The following CARMIL2 variants were observed in gnomAD, a reference collection of about 807,000 sequenced individuals.
The protein encoded by CARMIL2 is capping protein regulator and myosin 1 linker 2.
A neutral mutation model predicts 173.3 loss-of-function variants in CARMIL2; 96 were observed. The ratio of observed to expected loss-of-function variants is 0.55; its 90% CI spans 0.47 to 0.66. The LOEUF (loss-of-function observed/expected upper bound fraction) is 0.66. CARMIL2 is among the 30% of genes least tolerant of loss of function. The pLI, the probability that CARMIL2 is intolerant of heterozygous loss-of-function variation, is 0.00. For synonymous variants in CARMIL2, 830 were observed against 817.1 expected (o/e 1.02, Z -0.27); for missense variants, 1,771 against 1,906.7 (o/e 0.93, Z 1.33).
Position 67,652,525 on chromosome 16 carries a change from C to T in CARMIL2, c.2871C>T (p.Val957=), listed in dbSNP as rs1274482971. Residue 957 remains valine, a synonymous_variant, in exon 28 of 38, where the codon GTC becomes GTT. Transcript: ENST00000334583. This position sits in a 1 kb window ranked among gnomAD's most constrained non-coding sequence, Gnocchi z 4.7. ...WPELSHGLHL[V]PFIHSAAEEA... ...AGCTCAGCCACGGTCTTCACCTGGT[C>T]CCCTTCATTCACAGTAAGTCAGGGC... 8.1e-6 allele frequency: 13 copies of T among 1,613,470 alleles called. No homozygotes were observed. The highest frequency in any genetic ancestry group is 6.6e-5 in the South Asian group (6 of 91,040).
rs529623125 is a variant in CARMIL2, at chr16:67,654,634, A to G, written c.3524A>G (p.Tyr1175Cys). Reference sequence around the variant, plus strand: ...CGCTACACAAGAGATAGCAAGGCCTACTCGATGATACTGCTGCCTGCCGAG... The same window carrying G: ...CGCTACACAAGAGATAGCAAGGCCTGCTCGATGATACTGCTGCCTGCCGAG... ...RPRYTRDSKA[Y>C]SMILLPAEEE... is the part of the protein sequence containing the mutation. The change falls in exon 31 of 38, where the codon TAC becomes TGC. Residue 1175 changes from tyrosine (Y) to cysteine (C), a missense_variant. By Grantham distance (194) the Tyr-to-Cys change is radical (BLOSUM62 -2). Transcript: ENST00000334583. 2.5e-6 allele frequency: 4 copies of G among 1,590,854 alleles called. No individual in the cohort carries two copies. Among genetic ancestry groups the G allele is most frequent in the South Asian group, 1.1e-5 (1 of 88,336 alleles).
In CARMIL2 at chr16:67,656,837, G is replaced by T. The variant is rs762083223; in HGVS notation, c.4073G>T (p.Arg1358Leu). 6.4e-7 allele frequency: 1 copy of T among 1,550,556 alleles called. No homozygotes were observed. The highest frequency in any genetic ancestry group is 8.7e-7 in the Non-Finnish European group (1 of 1,146,874). Residue 1358 changes from arginine to leucine, a missense_variant, in exon 36 of 38, where the codon CGG becomes CTG. Physicochemically the swap from Arg to Leu is moderately radical, Grantham distance 102 (BLOSUM62 -2). This residue lies in a region of CARMIL2 where 817 missense variants were observed against 903.5 expected (regional missense o/e 0.90). Transcript: ENST00000334583. ...AGGCCGAGGCCTCTCTCGGCAGGGCGGCGAGCAGTGTCTGTGCATGAGGAC... is the reference window on the plus strand; with the variant it reads ...AGGCCGAGGCCTCTCTCGGCAGGGCTGCGAGCAGTGTCTGTGCATGAGGAC... ...QLRPRPLSAG[R>L]RAVSVHEDQL...
In CARMIL2 at chr16:67,649,937, G is replaced by A. The variant is rs181809876; in HGVS notation, c.2051G>A (p.Arg684His). Residue 684 changes from arginine to histidine, a missense_variant, in exon 21 of 38, where the codon CGC becomes CAC. Coordinates refer to ENST00000334583, the MANE Select transcript of CARMIL2 (RefSeq NM_001013838.3). This position sits in a 1 kb window ranked among gnomAD's most constrained non-coding sequence, Gnocchi z 6.7. ...GACGTGGCCCAGGCGCAGCGCAGCC[G>A]CCCGGAACTGACAGCACGTGCAGTC... ...LNDVAQAQRS[R>H]PELTARAVHQ... The A allele has an allele frequency of 3.8e-5, 62 of 1,613,144 alleles. No individual in the cohort carries two copies. Among genetic ancestry groups the A allele is most frequent in the Non-Finnish European group, 4.7e-5 (55 of 1,179,794 alleles).
intron 1 of CARMIL2, 56 bp from the exon 2 acceptor site, chr16:67,645,484 G>C (rs897826999): frequency 2.0e-6 from 3 of 1,475,566 alleles, no homozygotes; most frequent in Non-Finnish European, 1.9e-6. Context: ...CAGACTGTGG[G>C]CACCAGTGGC....
In CARMIL2 at chr16:67,653,674, G is replaced by A. The variant is rs978236315; in HGVS notation, c.3120+420G>A. On this transcript the variant is annotated intron_variant, in intron 29 of 37. Coordinates refer to ENST00000334583, the MANE Select transcript of CARMIL2 (RefSeq NM_001013838.3). The surrounding 1 kb of genome is among the most constrained non-coding windows in gnomAD (Gnocchi z 7.4). The stretch of plus-strand genomic sequence containing the variant: ...TGCGTGTGTGGGCTGCAAGCCCGCG[G>A]GGGCAGCGGGCACTGGCGGAGGGCG... Among the ~76,000 whole-genome samples, 18 of 152,162 alleles carry A rather than the reference G, an allele frequency of 1.2e-4. No homozygotes were observed. The highest frequency in any genetic ancestry group is 2.4e-4 in the Non-Finnish European group (16 of 68,014).
At chr16:67,654,091 G>GC (rs1193764570) in intron 29 of CARMIL2, 58 bp from the exon 30 acceptor site, 10 of 1,093,974 alleles carry the variant, frequency 9.1e-6, no homozygotes, top group East Asian at 2.8e-5. Context: ...GGGGGGGGGG[G>GC]GGGGTAGAAG....
Position 67,648,486 on chromosome 16 carries a change from C to T in CARMIL2, c.1423C>T (p.Pro475Ser). ...CCTGGGCCTGGCGGGCTGCAAGCTGCCGCCCGACGCGCTCAGGTCAGTGTC... is the reference window on the plus strand; with the variant it reads ...CCTGGGCCTGGCGGGCTGCAAGCTGTCGCCCGACGCGCTCAGGTCAGTGTC... ...RHLGLAGCKL[P>S]PDALRALLDG... Residue 475 changes from proline (P) to serine (S), a missense_variant, in exon 15 of 38, where the codon CCG becomes TCG. Physicochemically the swap from Pro to Ser is moderately conservative, Grantham distance 74 (BLOSUM62 -1). Coordinates refer to ENST00000334583, the MANE Select transcript of CARMIL2 (RefSeq NM_001013838.3). This position sits in a 1 kb window ranked among gnomAD's most constrained non-coding sequence, Gnocchi z 6.1. 1 of 1,434,350 alleles carries T rather than the reference C, an allele frequency of 7.0e-7. No homozygotes were observed. The highest frequency in any genetic ancestry group is 1.5e-5 in the African/African-American group (1 of 67,490). The allele number at this position is 1,434,350 out of a possible 1,614,324, so 88.9% of individuals were successfully genotyped here. A position where few individuals can be genotyped will look rare whatever the true frequency, so the allele number is the denominator to read the frequency against.
rs1321307594 is a variant in CARMIL2 at position 67,654,808 on chromosome 16, C to T, written c.3613C>T (p.Leu1205=). 6.2e-7 allele frequency: 1 copy of T among 1,613,580 alleles called. No homozygotes were observed. Among genetic ancestry groups the T allele is most frequent in the South Asian group, 1.1e-5 (1 of 91,088 alleles). The change falls in exon 32 of 38, where the codon CTG becomes TTG. Residue 1205 remains leucine (L), a synonymous_variant. Transcript: ENST00000334583. Reference sequence around the variant, plus strand: ...GCCCCTGGAGCGGGGAGAAACAGAACTGGCTCCATCCTTTGAACAGCGGGT... The same window carrying T: ...GCCCCTGGAGCGGGGAGAAACAGAATTGGCTCCATCCTTTGAACAGCGGGT... ...RRPLERGETE[L]APSFEQRVQV... is the part of the protein sequence containing the mutation.
At position 67,646,653 on chromosome 16, in the gene CARMIL2, C is replaced by T. The variant is rs558236180; in HGVS notation, c.467-61C>T. The T allele has an allele frequency of 5.0e-6, 8 of 1,592,020 alleles. No individual in the cohort carries two copies. The East Asian group carries it at 1.8e-4, about 36-fold the overall frequency. On this transcript the variant is annotated intron_variant, in intron 6 of 37. Coordinates refer to ENST00000334583, the MANE Select transcript of CARMIL2 (RefSeq NM_001013838.3). This position sits in a 1 kb window ranked among gnomAD's most constrained non-coding sequence, Gnocchi z 4.6. ...CCACCTAGTCTGTGGGTCTGGTCTT[C>T]CTCCATCGCTGATGTTTTGTCTCTC...
At position 67,652,726 on chromosome 16, in the gene CARMIL2, C is replaced by A. The variant is rs1402505007; in HGVS notation, c.2884+188C>A. 6.6e-6 allele frequency among the ~76,000 whole-genome samples: 1 copy of A among 152,188 alleles called. No homozygotes were observed. Among genetic ancestry groups the A allele is most frequent in the East Asian group, 1.9e-4 (1 of 5,196 alleles). Reference sequence around the variant, plus strand: ...CTGCTGTGGTCAGCCCGGGGCGGGACCTGGGCGGATCTGGGACAGGACACC... The same window carrying A: ...CTGCTGTGGTCAGCCCGGGGCGGGAACTGGGCGGATCTGGGACAGGACACC... On this transcript the variant is annotated intron_variant, in intron 28 of 37. Transcript: ENST00000334583. This position sits in a 1 kb window ranked among gnomAD's most constrained non-coding sequence, Gnocchi z 4.7.
chr16:67,650,513 C>A (rs1252943930), intron 22 of CARMIL2: 4 of 317,700 alleles, frequency 1.3e-5, no homozygotes, highest in African/African-American at 2.1e-5. Context: ...TCTTCATCTC[C>A]CTCCACTACC....
In CARMIL2 at chr16:67,648,347, G is replaced by T; in HGVS notation, c.1334+33G>T. ...GGACCTGTCGGGGCCGGGGGAGGCTGCTGGAAGCCGCCTCCTTGCGGCCCC... is the reference window on the plus strand; with the variant it reads ...GGACCTGTCGGGGCCGGGGGAGGCTTCTGGAAGCCGCCTCCTTGCGGCCCC... On this transcript the variant is annotated intron_variant, in intron 14 of 37. Transcript: ENST00000334583. The surrounding 1 kb of genome is among the most constrained non-coding windows in gnomAD (Gnocchi z 6.1). The T allele has an allele frequency of 6.4e-7, 1 of 1,561,852 alleles. No individual in the cohort carries two copies. The highest frequency in any genetic ancestry group is 8.6e-7 in the Non-Finnish European group (1 of 1,162,306).
At chr16:67,654,093 G>GGGC in intron 29 of CARMIL2, 56 bp from the exon 30 acceptor site, 1 of 1,069,108 alleles carries the variant, frequency 9.4e-7, no homozygotes, top group Non-Finnish European at 1.3e-6. Context: ...GGGGGGGGGG[G>GGGC]GGTAGAAGCC....
Position 67,647,405 on chromosome 16 carries a change from G to T in CARMIL2, c.776+18G>T. 1 of 1,567,922 alleles carries T rather than the reference G, an allele frequency of 6.4e-7. No individual in the cohort carries two copies. The highest frequency in any genetic ancestry group is 1.2e-5 in the South Asian group (1 of 85,580). On this transcript the variant is annotated intron_variant, in intron 10 of 37. Coordinates refer to ENST00000334583, the MANE Select transcript of CARMIL2 (RefSeq NM_001013838.3). ...CTGAGGGGGTGAGGGGGACAGGGCA[G>T]GGCTTGGAGAGGAGAGTCTGGAGGC...
intron 31 of CARMIL2, 23 bp downstream of exon 31, chr16:67,654,715 G>A (rs2052807080): frequency 5.6e-6 from 9 of 1,602,614 alleles, no homozygotes; most frequent in African/African-American, 1.3e-5. Flanking sequence ...GATGGGGGGT[G>A]GTGAAGGCGC....
chr16:67,649,269 C>T lies in CARMIL2; in HGVS notation c.1704C>T (p.Asp568=), dbSNP rs771713132. Residue 568 remains aspartate, a synonymous_variant, in exon 19 of 38, where the codon GAC becomes GAT. Transcript: ENST00000334583. The surrounding 1 kb of genome is among the most constrained non-coding windows in gnomAD (Gnocchi z 6.7). ...CTGCCCACAGGGAGACCCTGGACGA[C>T]GTCCTGCACCGGATTGTCCAGCTCA... ...FNVRCKETLD[D]VLHRIVQLMQ... is the part of the protein sequence containing the mutation. The T allele has an allele frequency of 6.2e-7, 1 of 1,613,262 alleles. No homozygotes were observed. Among genetic ancestry groups the T allele is most frequent in the South Asian group, 1.1e-5 (1 of 91,066 alleles).
At position 67,646,563 on chromosome 16, in the gene CARMIL2, C is replaced by CT; in HGVS notation, c.466+47dup. The CT allele has an allele frequency of 6.3e-7, 1 of 1,597,752 alleles. No individual in the cohort carries two copies. Among genetic ancestry groups the CT allele is most frequent in the Non-Finnish European group, 8.6e-7 (1 of 1,168,482 alleles). ...ACAGGCCTTCCAGCCTGCCCCACCT[C>CT]TGCCTCCCCAGACCCGCAAGCTGGG... On this transcript the variant is annotated intron_variant, in intron 6 of 37. Coordinates refer to ENST00000334583, the MANE Select transcript of CARMIL2 (RefSeq NM_001013838.3). The surrounding 1 kb of genome is among the most constrained non-coding windows in gnomAD (Gnocchi z 4.6).
Position 67,654,085 on chromosome 16 carries a change from G to GC in CARMIL2, c.3121-64_3121-63insC, listed in dbSNP as rs991805075. ...ATTCAGTCCAGGCTGCCGGCCGGGG[G>GC]GGGGGGGGGGTAGAAGCCAGAGTTG... On this transcript the variant is annotated intron_variant, in intron 29 of 37. Transcript: ENST00000334583. 32 of 1,046,774 alleles carry GC rather than the reference G, an allele frequency of 3.1e-5. 1 individual carries two copies. The highest frequency in any genetic ancestry group is 3.1e-4 in the Middle Eastern group (1 of 3,184). 64.8% of individuals were successfully genotyped at this position (1,046,774 alleles called of 1,614,324 possible).
chr16:67,653,176 G>A lies in CARMIL2; in HGVS notation c.3042G>A (p.Gln1014=). 1 of 1,111,786 alleles carries A rather than the reference G, an allele frequency of 9.0e-7. No homozygotes were observed. Among genetic ancestry groups the A allele is most frequent in the African/African-American group, 1.7e-5 (1 of 60,408 alleles). 68.9% of individuals were successfully genotyped at this position (1,111,786 alleles called of 1,614,324 possible). A position where few individuals can be genotyped will look rare whatever the true frequency, so the allele number is the denominator to read the frequency against. Residue 1014 remains glutamine (Q), a synonymous_variant, in exon 29 of 38, where the codon CAG becomes CAA. Coordinates refer to ENST00000334583, the MANE Select transcript of CARMIL2 (RefSeq NM_001013838.3). The surrounding 1 kb of genome is among the most constrained non-coding windows in gnomAD (Gnocchi z 7.4). The stretch of plus-strand genomic sequence containing the variant: ...GCATGGACCTGCCACTGGCGGGGCA[G>A]CCCCTGCGCCATCCGACCCGGGCCC... ...LPRMDLPLAG[Q]PLRHPTRARP... is the part of the protein sequence containing the mutation.
Sources: gnomAD v4.1 joint callset for allele counts (sites outside exome capture counted in the v4.1 genomes callset) on GRCh38, gnomAD v4.1.1 for gene constraint, gnomAD v4.1.1 regional missense constraint, Gnocchi (gnomAD v3.1) non-coding constraint, MANE v1.5 for transcripts, NCBI Gene and HGNC (gene_info 2026-07-23, HGNC 2026-07-21) for gene names.